Variants in FER observed in about 807,000 individuals in gnomAD.
FER encodes FER tyrosine kinase, also known as tyrosine-protein kinase Fer.
A neutral mutation model predicts 111.0 loss-of-function variants in FER; 63 were observed. The observed-to-expected ratio is 0.57, with a 90% CI of 0.46 to 0.70. The LOEUF (loss-of-function observed/expected upper bound fraction) is 0.70. FER is among the 30% of genes least tolerant of loss of function. The pLI, the probability that FER is intolerant of heterozygous loss-of-function variation, is 0.00. For missense variants in FER, 914 were observed against 954.0 expected (o/e 0.96, Z 0.55); for synonymous variants, 327 against 313.9 (o/e 1.04, Z -0.44).
chr5:108,993,210 C>T (rs927300417), intron 13 of FER, among the ~76,000 whole-genome samples: 11 of 152,320 alleles, frequency 7.2e-5, no homozygotes, highest in African/African-American at 2.4e-4. Flanking sequence ...GAGGTTGTGG[C>T]GAGCTGAGAT....
intron 13 of FER, among the ~76,000 whole-genome samples, chr5:109,027,927 A>G (rs1768989849): frequency 6.6e-6 from 1 of 152,196 alleles, no homozygotes; most frequent in African/African-American, 2.4e-5. Flanking sequence ...TACTTGTATA[A>G]AGATGTGGGA....
At chr5:109,086,827 T>A (rs1370821746) in intron 16 of FER, among the ~76,000 whole-genome samples, 4 of 151,220 alleles carry the variant, frequency 2.6e-5, no homozygotes, top group South Asian at 2.1e-4. Context: ...TTAACAAAAA[T>A]TTTTTTCCCA....
chr5:109,183,600 C>G (rs921747617), intron 18 of FER, among the ~76,000 whole-genome samples: 14 of 152,146 alleles, frequency 9.2e-5, no homozygotes, highest in African/African-American at 3.4e-4. Flanking sequence ...TCACTCTTGT[C>G]TCACTCAGAA....
intron 5 of FER, among the ~76,000 whole-genome samples, chr5:108,843,852 A>G (rs1419804851): frequency 6.6e-6 from 1 of 152,036 alleles, no homozygotes; most frequent in Non-Finnish European, 1.5e-5. Context: ...TATAAAATCA[A>G]ATTTTTACCT....
intron 17 of FER, among the ~76,000 whole-genome samples, chr5:109,137,902 T>C (rs1490990846): frequency 6.6e-6 from 1 of 152,204 alleles, no homozygotes; most frequent in Non-Finnish European, 1.5e-5. Flanking sequence ...CATTAGCTAG[T>C]GTCTTGATTT....
rs1759156531 is a variant in FER, at chr5:109,188,832, T to TAA, written c.*1258_*1259dup. The TAA allele has an allele frequency of 1.3e-5, 2 of 152,300 alleles. No homozygotes were observed. Among genetic ancestry groups the TAA allele is most frequent in the South Asian group, 4.1e-4 (2 of 4,830 alleles). 9.4% of individuals were successfully genotyped at this position (152,300 alleles called of 1,614,324 possible). ...ACCTTAGAGGGGGCATTCCAAAATG[T>TAA]AATTTCCTTTATTTGTACCAGTTTT... is the stretch of plus-strand genomic sequence containing the variant. On this transcript the variant is annotated 3_prime_UTR_variant, in exon 20 of 20. Transcript: ENST00000281092.
intron 16 of FER, among the ~76,000 whole-genome samples, chr5:109,081,148 G>A (rs1776941030): frequency 6.6e-6 from 1 of 152,006 alleles, no homozygotes; most frequent in Non-Finnish European, 1.5e-5. Context: ...TGGGCAAGTT[G>A]TCTGAGCTCC....
intron 10 of FER, among the ~76,000 whole-genome samples, chr5:108,911,371 C>A (rs575186362): frequency 1.3e-5 from 2 of 151,808 alleles, no homozygotes; most frequent in Non-Finnish European, 2.9e-5. Flanking sequence ...GATATTAGTA[C>A]TTTGTTAGAG....
intron 13 of FER, among the ~76,000 whole-genome samples, chr5:108,984,723 T>C (rs1181471400): frequency 7.4e-6 from 1 of 135,094 alleles, no homozygotes; most frequent in Non-Finnish European, 1.7e-5. Context: ...GTGGGGAAAC[T>C]GTAACAAAGG....
At chr5:108,810,652 A>G (rs951537151) in intron 3 of FER, among the ~76,000 whole-genome samples, 27 of 152,354 alleles carry the variant, frequency 1.8e-4, no homozygotes, top group Admixed American at 1.4e-3. Flanking sequence ...GTCTCTGCAC[A>G]GGAATGGTGG....
intron 13 of FER, among the ~76,000 whole-genome samples, chr5:109,008,777 C>T (rs1050544119): frequency 1.3e-5 from 2 of 152,078 alleles, no homozygotes; most frequent in African/African-American, 4.8e-5. Context: ...TTGAGACCAG[C>T]CTGACCAACA....
At chr5:108,994,771 C>T (rs1317981638) in intron 13 of FER, among the ~76,000 whole-genome samples, 2 of 152,046 alleles carry the variant, frequency 1.3e-5, no homozygotes, top group African/African-American at 4.8e-5. Context: ...TTGTTTGTTT[C>T]CTCTCTTATT....
At chr5:108,958,106 C>T (rs530690046) in intron 12 of FER, among the ~76,000 whole-genome samples, 51 of 151,110 alleles carry the variant, frequency 3.4e-4, no homozygotes, top group Non-Finnish European at 6.2e-4. Flanking sequence ...TAAACTAATG[C>T]GTGTTTGTTC....
At chr5:108,998,837 G>A (rs937378239) in intron 13 of FER, among the ~76,000 whole-genome samples, 4 of 152,158 alleles carry the variant, frequency 2.6e-5, no homozygotes, top group African/African-American at 9.7e-5. Context: ...GCTTTCTGGT[G>A]TGCTGCTGGA....
chr5:109,102,889 A>C (rs1470745073), intron 17 of FER, among the ~76,000 whole-genome samples: 1 of 152,122 alleles, frequency 6.6e-6, no homozygotes, highest in Non-Finnish European at 1.5e-5. Context: ...TGTGCTGTAG[A>C]ACCCTGTTCC....
intron 13 of FER, among the ~76,000 whole-genome samples, chr5:108,966,070 TTAG>T (rs1759769049): frequency 1.3e-5 from 2 of 152,180 alleles, no homozygotes; most frequent in Non-Finnish European, 2.9e-5. Context: ...GTAATAGACT[TTAG>T]AAACCACTGA....
chr5:108,812,596 AC>A (rs1359481808), intron 3 of FER, among the ~76,000 whole-genome samples: 33 of 152,142 alleles, frequency 2.2e-4, no homozygotes, highest in African/African-American at 7.7e-4. Context: ...TTATCATCTT[AC>A]CATTTGTTTT....
At chr5:109,025,335 C>A (rs112940741) in intron 13 of FER, among the ~76,000 whole-genome samples, 16,826 of 152,096 alleles carry the variant, frequency 0.11, 1,022 homozygotes, top group Non-Finnish European at 0.14. Flanking sequence ...AGGTCCATCA[C>A]GTCCCTTGTA....
chr5:108,861,998 G>T (rs1285518932), intron 5 of FER, among the ~76,000 whole-genome samples: 1 of 152,176 alleles, frequency 6.6e-6, no homozygotes, highest in Non-Finnish European at 1.5e-5. Flanking sequence ...GATTGATAAT[G>T]TGCATGCATA....
Sources: gnomAD v4.1 joint callset for allele counts (sites outside exome capture counted in the v4.1 genomes callset) on GRCh38, gnomAD v4.1.1 for gene constraint, MANE v1.5 for transcripts, NCBI Gene and HGNC (gene_info 2026-07-23, HGNC 2026-07-21) for gene names.